Variants in WDPCP observed in about 807,000 individuals in gnomAD.
WDPCP encodes the protein WD repeat containing planar cell polarity effector, also known as WD repeat-containing and planar cell polarity effector protein fritz homolog.
In WDPCP, 71 loss-of-function variants were observed where a neutral mutation model predicts 93.1. The observed-to-expected ratio is 0.76, with a 90% CI of 0.63 to 0.93. WDPCP has a LOEUF of 0.93. Ranked by LOEUF, WDPCP falls within the 40% of genes least tolerant of loss-of-function variation. WDPCP has a pLI of 0.00. For synonymous variants in WDPCP, 315 were observed against 315.0 expected, an observed-to-expected ratio of 1.00 and a Z score of 0.00; for missense variants, 844 against 887.4, an observed-to-expected ratio of 0.95 and a Z score of 0.62.
chr2:63,738,898 C>G (rs923565795), intron 2 of WDPCP, among the ~76,000 whole-genome samples: 1 of 152,008 alleles, frequency 6.6e-6, no homozygotes, highest in African/African-American at 2.4e-5. Flanking sequence ...TATTAACTCC[C>G]AAGGTTACTA....
chr2:63,479,729 G>A (rs1485705375), intron 6 of WDPCP, among the ~76,000 whole-genome samples: 1 of 152,112 alleles, frequency 6.6e-6, no homozygotes, highest in Non-Finnish European at 1.5e-5. Context: ...AAGGTTGAAA[G>A]CATTTCCCCT....
At chr2:63,214,650 G>T (rs764402946) in intron 14 of WDPCP, among the ~76,000 whole-genome samples, 1 of 152,130 alleles carries the variant, frequency 6.6e-6, no homozygotes, top group Non-Finnish European at 1.5e-5. Flanking sequence ...AGGAAATAAA[G>T]GGTATTCAAT....
chr2:63,521,890 C>A (rs901152574), intron 1 of WDPCP, among the ~76,000 whole-genome samples: 1 of 152,104 alleles, frequency 6.6e-6, no homozygotes, highest in African/African-American at 2.4e-5. Context: ...CTCAAAACTA[C>A]ACAATTGCAT....
chr2:63,393,343 C>T lies in WDPCP; in HGVS notation c.1435+10705G>A, dbSNP rs556891586. On this transcript the variant is annotated intron_variant, in intron 10 of 17. Coordinates refer to ENST00000272321, the MANE Select transcript of WDPCP (RefSeq NM_015910.7). ...AGGTGGGAACTGAACAATGAGAACA[C>T]TTGGACACAGGAAGGGGAACATCAC... Among the ~76,000 whole-genome samples the T allele has an allele frequency of 3.8e-4, 58 of 152,002 alleles. 1 individual carries two copies. The East Asian group carries it at 0.011, about 28-fold the overall frequency.
intron 13 of WDPCP, among the ~76,000 whole-genome samples, chr2:63,305,731 G>A (rs1378561397): frequency 6.6e-6 from 1 of 152,188 alleles, no homozygotes; most frequent in Non-Finnish European, 1.5e-5. Context: ...GTAGGCTTCA[G>A]AAGGTGGGTA....
At chr2:63,541,815 T>A (rs1252366158) in intron 1 of WDPCP, among the ~76,000 whole-genome samples, 2 of 152,188 alleles carry the variant, frequency 1.3e-5, no homozygotes, top group African/African-American at 4.8e-5. Context: ...ATGTAAGAAT[T>A]AATCATAGCA....
chr2:63,286,902 G>C (rs780327334), intron 13 of WDPCP, among the ~76,000 whole-genome samples: 33 of 152,048 alleles, frequency 2.2e-4, no homozygotes, highest in Non-Finnish European at 4.7e-4. Context: ...AGCATTTATA[G>C]TAGTCGGCTA....
chr2:63,267,942 C>G (rs1333466924), intron 13 of WDPCP, among the ~76,000 whole-genome samples: 1 of 152,056 alleles, frequency 6.6e-6, no homozygotes. Flanking sequence ...ACTAAAAACA[C>G]CATATGATCT....
At chr2:63,633,261 G>C (rs1459879405) in intron 3 of WDPCP, among the ~76,000 whole-genome samples, 1 of 152,020 alleles carries the variant, frequency 6.6e-6, no homozygotes, top group Non-Finnish European at 1.5e-5. Context: ...GACACTAATA[G>C]AAACATGAAA....
upstream of WDPCP, chr2:63,588,637 G>A: frequency 2.0e-6 from 1 of 491,072 alleles, no homozygotes; most frequent in Non-Finnish European, 3.7e-6. Flanking sequence ...GCTAAGGGGT[G>A]ATTCTCCCCT....
chr2:63,696,130 A>G (rs1364785692), intron 2 of WDPCP, among the ~76,000 whole-genome samples: 3 of 152,122 alleles, frequency 2.0e-5, no homozygotes, highest in Non-Finnish European at 4.4e-5. Flanking sequence ...AAAGGCAGAA[A>G]TCTAGAAGTT....
At chr2:63,809,315 C>T (rs1164365093) in intron 2 of WDPCP, among the ~76,000 whole-genome samples, 1 of 150,954 alleles carries the variant, frequency 6.6e-6, no homozygotes, top group Non-Finnish European at 1.5e-5. Flanking sequence ...GCCCAGCCAG[C>T]CGCCCCGTCC....
chr2:63,369,502 A>T (rs1691207770), intron 12 of WDPCP: 4 of 456,534 alleles, frequency 8.8e-6, no homozygotes, highest in South Asian at 6.2e-5. Flanking sequence ...TTACAAGCAA[A>T]AGAAAATGAG....
chr2:63,545,650 AC>A (rs1340601922), intron 1 of WDPCP, among the ~76,000 whole-genome samples: 1 of 152,006 alleles, frequency 6.6e-6, no homozygotes, highest in Non-Finnish European at 1.5e-5. Flanking sequence ...TATAAAAAAA[AC>A]AATCCAAGTG....
chr2:63,234,531 T>C (rs1412092939), intron 14 of WDPCP, among the ~76,000 whole-genome samples: 1 of 152,156 alleles, frequency 6.6e-6, no homozygotes, highest in Non-Finnish European at 1.5e-5. Flanking sequence ...TGGATGGCAG[T>C]TGAGAGGATA....
intron 14 of WDPCP, among the ~76,000 whole-genome samples, chr2:63,240,507 T>G (rs1006392859): frequency 3.3e-5 from 5 of 152,316 alleles, no homozygotes; most frequent in African/African-American, 1.2e-4. Flanking sequence ...GTTTGTACCA[T>G]ATAACTGCAT....
At chr2:63,136,841 T>C (rs1261604443) in intron 17 of WDPCP, among the ~76,000 whole-genome samples, 1 of 152,166 alleles carries the variant, frequency 6.6e-6, no homozygotes, top group Non-Finnish European at 1.5e-5. Flanking sequence ...ATTAGTTTGC[T>C]AAGGATATGG....
At chr2:63,334,167 ATTTAT>A (rs1385901762) in intron 12 of WDPCP, among the ~76,000 whole-genome samples, 2 of 152,170 alleles carry the variant, frequency 1.3e-5, no homozygotes, top group Non-Finnish European at 2.9e-5. Flanking sequence ...GTGTCTTTAC[ATTTAT>A]TTAAGTCTTA....
intron 2 of WDPCP, among the ~76,000 whole-genome samples, chr2:63,738,542 A>C (rs1669670875): frequency 6.6e-6 from 1 of 152,076 alleles, no homozygotes; most frequent in Admixed American, 6.6e-5. Flanking sequence ...CTGTTTGATC[A>C]TGTCACTTTT....
Sources: allele counts gnomAD v4.1 joint callset (sites outside exome capture counted in the v4.1 genomes callset), GRCh38; gene constraint gnomAD v4.1.1; transcripts MANE v1.5; gene names NCBI Gene and HGNC (gene_info 2026-07-23, HGNC 2026-07-21).